GRIP1: variants seen among roughly 807,000 people sequenced by gnomAD.
The protein encoded by GRIP1 is glutamate receptor-interacting protein 1.
GRIP1 carries 45 observed loss-of-function variants against 129.9 expected under a neutral mutation model. The observed-to-expected ratio is 0.35, with a 90% CI of 0.27 to 0.44. GRIP1 has a LOEUF of 0.44. Ranked by LOEUF, GRIP1 falls within the 20% of genes least tolerant of loss-of-function variation. GRIP1 has a pLI of 1.00. For synonymous variants in GRIP1, 530 were observed against 520.8 expected (o/e 1.02, Z -0.24); for missense variants, 1,196 against 1,396.8 (o/e 0.86, Z 2.29).
upstream of GRIP1, among the ~76,000 whole-genome samples, chr12:66,806,981 G>C (rs924829755): frequency 6.6e-6 from 1 of 151,958 alleles, no homozygotes; most frequent in African/African-American, 2.4e-5. Flanking sequence ...GAGATGCTTG[G>C]GAAGCCAGGA....
chr12:66,958,700 A>C (rs1379231351), intron 1 of GRIP1, among the ~76,000 whole-genome samples: 1 of 152,216 alleles, frequency 6.6e-6, no homozygotes, highest in Non-Finnish European at 1.5e-5. Context: ...CTGTAATACC[A>C]TCTATTATTG....
At chr12:66,511,281 T>C (rs1221220810) in intron 7 of GRIP1, among the ~76,000 whole-genome samples, 1 of 152,138 alleles carries the variant, frequency 6.6e-6, no homozygotes, top group Non-Finnish European at 1.5e-5. Context: ...GAACTGTGAG[T>C]CCGTTAAACC....
In GRIP1 at chr12:66,732,290, C is replaced by A. The variant is rs867856622; in HGVS notation, c.-420+71763G>T. On this transcript the variant is annotated intron_variant, in intron 1 of 4. Transcript: ENST00000538373. ...TCTAGGCTAGGTATGGTGGCTCACA[C>A]CTGTAATCCCAGTACTTTGAGGGGG... Among the ~76,000 whole-genome samples the A allele has an allele frequency of 5.3e-5, 8 of 152,124 alleles. No individual in the cohort carries two copies. In the South Asian group the frequency reaches 1.2e-3, roughly 24 times the overall value.
At chr12:67,058,920 C>T (rs2043483155) in intron 1 of GRIP1, among the ~76,000 whole-genome samples, 1 of 152,158 alleles carries the variant, frequency 6.6e-6, no homozygotes, top group South Asian at 2.1e-4. Flanking sequence ...AGCAAAAAAT[C>T]AGATGTAAGT....
At chr12:66,964,754 C>G (rs2137547036) in intron 1 of GRIP1, among the ~76,000 whole-genome samples, 1 of 152,276 alleles carries the variant, frequency 6.6e-6, no homozygotes, top group South Asian at 2.1e-4. Context: ...TTACCACAGA[C>G]TGGTGGCTTA....
chr12:66,990,808 A>T (rs1331198125), intron 1 of GRIP1, among the ~76,000 whole-genome samples: 3 of 152,148 alleles, frequency 2.0e-5, no homozygotes. Flanking sequence ...CATTCTGACC[A>T]ACATGGAGGA....
intron 1 of GRIP1, among the ~76,000 whole-genome samples, chr12:66,785,089 C>A (rs2038278951): frequency 6.6e-6 from 1 of 151,784 alleles, no homozygotes; most frequent in Admixed American, 6.6e-5. Flanking sequence ...ACTAGGTCAC[C>A]ATAGGCCTTG....
chr12:66,910,498 T>C (rs1294397421), intron 1 of GRIP1, among the ~76,000 whole-genome samples: 2 of 152,004 alleles, frequency 1.3e-5, no homozygotes, highest in Non-Finnish European at 2.9e-5. Context: ...GCAGCAGAAA[T>C]CTTTAAGCAA....
At chr12:66,394,770 C>T (rs2056727213) in intron 16 of GRIP1, among the ~76,000 whole-genome samples, 2 of 152,206 alleles carry the variant, frequency 1.3e-5, no homozygotes, top group South Asian at 4.1e-4. Flanking sequence ...TTGGGTCACG[C>T]TGTTTCCGTT....
At chr12:66,445,265 A>T in intron 12 of GRIP1, 57 bp downstream of exon 12, 1 of 1,334,264 alleles carries the variant, frequency 7.5e-7, no homozygotes, top group Non-Finnish European at 1.1e-6. Context: ...CCATTCAAAG[A>T]TAGCAGGTAC....
intron 2 of GRIP1, among the ~76,000 whole-genome samples, chr12:66,554,024 G>A (rs1188749390): frequency 6.6e-6 from 1 of 152,128 alleles, no homozygotes; most frequent in Non-Finnish European, 1.5e-5. Context: ...TGCTGTGCTG[G>A]GCTAAGAGCC....
chr12:66,806,826 T>C (rs2039003017), upstream of GRIP1, among the ~76,000 whole-genome samples: 1 of 151,852 alleles, frequency 6.6e-6, no homozygotes, highest in Non-Finnish European at 1.5e-5. Context: ...TTCTGAAGGA[T>C]TACATTTGTT....
intron 2 of GRIP1, among the ~76,000 whole-genome samples, chr12:66,595,813 C>A (rs2064027661): frequency 6.6e-6 from 1 of 152,062 alleles, no homozygotes; most frequent in Admixed American, 6.5e-5. Context: ...GAATCTGAGC[C>A]TTTGGAATAA....
intron 1 of GRIP1, among the ~76,000 whole-genome samples, chr12:66,740,946 T>C (rs2036770551): frequency 6.6e-6 from 1 of 152,196 alleles, no homozygotes; most frequent in South Asian, 2.1e-4. Flanking sequence ...TATGGGCACA[T>C]ATGCTTTCAA....
At chr12:66,755,224 C>T (rs1306204210) in intron 1 of GRIP1, among the ~76,000 whole-genome samples, 1 of 152,128 alleles carries the variant, frequency 6.6e-6, no homozygotes, top group Non-Finnish European at 1.5e-5. Context: ...AATGAAAAAA[C>T]AAGCCTTTAA....
At chr12:66,478,075 G>A (rs11176215) in intron 7 of GRIP1, among the ~76,000 whole-genome samples, 21,628 of 152,132 alleles carry the variant, frequency 0.14, 1,645 homozygotes, top group Non-Finnish European at 0.18. Flanking sequence ...AGAAACTACC[G>A]TCAGAGTGAA....
At chr12:66,355,992 G>A (rs1429884436) in intron 23 of GRIP1, among the ~76,000 whole-genome samples, 1 of 152,182 alleles carries the variant, frequency 6.6e-6, no homozygotes, top group Non-Finnish European at 1.5e-5. Context: ...CTGGGAATCA[G>A]GAAGGCTGTC....
At chr12:67,046,886 C>T (rs2043262201) in intron 1 of GRIP1, among the ~76,000 whole-genome samples, 1 of 152,112 alleles carries the variant, frequency 6.6e-6, no homozygotes, top group African/African-American at 2.4e-5. Flanking sequence ...CACTATTATC[C>T]TACGTAGCCA....
At chr12:66,540,704 C>CA (rs1232196270) in intron 3 of GRIP1, among the ~76,000 whole-genome samples, 1 of 152,200 alleles carries the variant, frequency 6.6e-6, no homozygotes, top group Non-Finnish European at 1.5e-5. Flanking sequence ...GGCAAGAACT[C>CA]AGATTTAACC....
Sources: allele counts gnomAD v4.1 joint callset (sites outside exome capture counted in the v4.1 genomes callset), GRCh38; gene constraint gnomAD v4.1.1; transcripts MANE v1.5; gene names NCBI Gene and HGNC (gene_info 2026-07-23, HGNC 2026-07-21).